THSD7B: variants seen among roughly 807,000 people sequenced by gnomAD.
THSD7B encodes the protein thrombospondin type 1 domain containing 7B.
Under a neutral mutation model 213.6 loss-of-function variants are expected in THSD7B, and 138 were observed. The ratio of observed to expected loss-of-function variants is 0.65; its 90% CI spans 0.56 to 0.74. The LOEUF is 0.74. Among genes scored for constraint, THSD7B ranks in the 30% least tolerant of loss-of-function variants. THSD7B has a pLI of 0.00. For synonymous variants in THSD7B, 742 were observed against 687.0 expected, an observed-to-expected ratio of 1.08 and a Z score of -1.25; for missense variants, 1,931 against 1,991.5, an observed-to-expected ratio of 0.97 and a Z score of 0.58.
At chr2:137,176,101 G>A (rs1195452310) in intron 7 of THSD7B, among the ~76,000 whole-genome samples, 2 of 151,914 alleles carry the variant, frequency 1.3e-5, no homozygotes, top group African/African-American at 4.8e-5. Context: ...TTATTTTCTT[G>A]TATTTTAGGA....
intron 12 of THSD7B, among the ~76,000 whole-genome samples, chr2:137,396,317 CT>C: frequency 7.4e-6 from 1 of 135,510 alleles, no homozygotes; most frequent in Non-Finnish European, 1.6e-5. Flanking sequence ...ACAAATTTCC[CT>C]CTACACACTG....
intron 4 of THSD7B, among the ~76,000 whole-genome samples, chr2:137,109,136 C>T (rs984561367): frequency 6.6e-6 from 1 of 152,184 alleles, no homozygotes; most frequent in African/African-American, 2.4e-5. Context: ...CATCCTTTCT[C>T]CTAGACTGGC....
intron 12 of THSD7B, among the ~76,000 whole-genome samples, chr2:137,349,619 G>A (rs1396937613): frequency 6.6e-6 from 1 of 151,850 alleles, no homozygotes; most frequent in Admixed American, 6.6e-5. Flanking sequence ...TTCAGTTACA[G>A]TTTAAACGTA....
At chr2:137,595,008 G>T (rs1387818098) in intron 17 of THSD7B, among the ~76,000 whole-genome samples, 1 of 151,662 alleles carries the variant, frequency 6.6e-6, no homozygotes, top group Non-Finnish European at 1.5e-5. Flanking sequence ...CCCATTTTTG[G>T]TTGCAACTGT....
At chr2:137,616,426 G>A in intron 18 of THSD7B, 110 bp downstream of exon 18, 1 of 970,520 alleles carries the variant, frequency 1.0e-6, no homozygotes, top group Non-Finnish European at 1.6e-6. Flanking sequence ...GAATGTGTGA[G>A]TGTATTGCAT....
At chr2:136,998,761 A>C (rs1685942916) in intron 2 of THSD7B, among the ~76,000 whole-genome samples, 1 of 152,158 alleles carries the variant, frequency 6.6e-6, no homozygotes, top group Non-Finnish European at 1.5e-5. Flanking sequence ...TTCAGATATC[A>C]GGTTCTCAAG....
chr2:137,286,043 G>T (rs138218648), intron 12 of THSD7B, among the ~76,000 whole-genome samples: 2 of 151,088 alleles, frequency 1.3e-5, no homozygotes, highest in African/African-American at 2.4e-5. Flanking sequence ...GGTGGAAGTT[G>T]CAGTGAGCCG....
intron 4 of THSD7B, among the ~76,000 whole-genome samples, chr2:137,104,410 A>G (rs1462767921): frequency 1.3e-5 from 2 of 152,234 alleles, no homozygotes; most frequent in African/African-American, 4.8e-5. Context: ...ATAGCACTAA[A>G]TGCAGACAGG....
At chr2:137,553,407 C>G (rs1338128935) in intron 15 of THSD7B, among the ~76,000 whole-genome samples, 1 of 152,088 alleles carries the variant, frequency 6.6e-6, no homozygotes, top group Non-Finnish European at 1.5e-5. Context: ...GGAAGTCAGT[C>G]TGTAGCTAGA....
chr2:137,569,477 T>G (rs1483850903), intron 16 of THSD7B, among the ~76,000 whole-genome samples: 1 of 152,144 alleles, frequency 6.6e-6, no homozygotes, highest in Non-Finnish European at 1.5e-5. Flanking sequence ...GGGGAGGGGA[T>G]GGGCAATCAC....
At chr2:137,038,326 C>G (rs1226794922) in intron 2 of THSD7B, among the ~76,000 whole-genome samples, 1 of 152,114 alleles carries the variant, frequency 6.6e-6, no homozygotes, top group African/African-American at 2.4e-5. Context: ...GGGTTGAAAG[C>G]TAAATGGTCA....
At chr2:136,841,187 GAACT>G (rs1429002322) in intron 1 of THSD7B, among the ~76,000 whole-genome samples, 9 of 152,110 alleles carry the variant, frequency 5.9e-5, no homozygotes, top group Non-Finnish European at 1.3e-4. Flanking sequence ...GGAAATATCA[GAACT>G]AAGACTTGAA....
intron 15 of THSD7B, among the ~76,000 whole-genome samples, chr2:137,491,368 T>G (rs1192891925): frequency 6.6e-6 from 1 of 152,196 alleles, no homozygotes; most frequent in Non-Finnish European, 1.5e-5. Context: ...GTGGCCAACG[T>G]TTTTGATGGT....
intron 15 of THSD7B, among the ~76,000 whole-genome samples, chr2:137,457,900 C>G (rs1042552609): frequency 2.6e-5 from 4 of 152,188 alleles, no homozygotes; most frequent in African/African-American, 9.7e-5. Flanking sequence ...CAAGACACTT[C>G]TGTAAGCGAT....
chr2:136,885,529 A>G (rs1048366026), intron 2 of THSD7B, among the ~76,000 whole-genome samples: 3 of 152,188 alleles, frequency 2.0e-5, no homozygotes, highest in Non-Finnish European at 4.4e-5. Context: ...AAGAAGGATC[A>G]CGTCAGCAAC....
At chr2:137,156,426 C>T (rs914442666) in intron 5 of THSD7B, among the ~76,000 whole-genome samples, 1 of 152,174 alleles carries the variant, frequency 6.6e-6, no homozygotes, top group South Asian at 2.1e-4. Context: ...AATGGTCTCT[C>T]TCCTACCCCT....
chr2:136,856,854 A>G (rs1683186760), intron 1 of THSD7B, among the ~76,000 whole-genome samples: 1 of 152,176 alleles, frequency 6.6e-6, no homozygotes, highest in South Asian at 2.1e-4. Flanking sequence ...ACTTCCTGTT[A>G]ATTGTTTTCC....
At chr2:136,985,342 G>C (rs571666743) in intron 2 of THSD7B, among the ~76,000 whole-genome samples, 1 of 152,134 alleles carries the variant, frequency 6.6e-6, no homozygotes, top group South Asian at 2.1e-4. Flanking sequence ...TCAGGATCCA[G>C]GCCCAGGGCT....
intron 25 of THSD7B, among the ~76,000 whole-genome samples, chr2:137,662,069 T>A (rs1199981149): frequency 1.3e-5 from 2 of 148,254 alleles, no homozygotes; most frequent in African/African-American, 5.0e-5. Context: ...TTTCTTTTTT[T>A]TTTTTTTTTT....
Sources: gnomAD v4.1 joint callset for allele counts (sites outside exome capture counted in the v4.1 genomes callset) on GRCh38, gnomAD v4.1.1 for gene constraint, MANE v1.5 for transcripts, NCBI Gene and HGNC (gene_info 2026-07-23, HGNC 2026-07-21) for gene names.